VGLL3: variants seen among roughly 807,000 people sequenced by gnomAD.
VGLL3 encodes vestigial like family member 3.
A neutral mutation model predicts 29.2 loss-of-function variants in VGLL3; 18 were observed. The observed-to-expected ratio is 0.62, with a 90% CI of 0.43 to 0.91. VGLL3 has a LOEUF of 0.91. Ranked by LOEUF, VGLL3 falls within the 40% of genes least tolerant of loss-of-function variation. The probability of loss-of-function intolerance (pLI) is 0.00; values close to 1 mark genes in which losing one functional copy is unlikely to be tolerated. For missense variants in VGLL3, 440 were observed against 413.2 expected, an observed-to-expected ratio of 1.06 and a Z score of -0.56; for synonymous variants, 180 against 151.8, an observed-to-expected ratio of 1.19 and a Z score of -1.36.
At chr3:86,963,721 A>T (rs1233284496) in intron 3 of VGLL3, among the ~76,000 whole-genome samples, 1 of 152,236 alleles carries the variant, frequency 6.6e-6, no homozygotes, top group African/African-American at 2.4e-5. Flanking sequence ...AACTAATTTA[A>T]TCTCAAAACA....
Position 86,981,015 on chromosome 3 carries a change from C to G in VGLL3, c.127-2213G>C, listed in dbSNP as rs72916094. ...TATTTGTTTAATTGTAACATTCATTCTTTAAATAGAAGAGCCTGGCTACAT... is the reference window on the plus strand; with the variant it reads ...TATTTGTTTAATTGTAACATTCATTGTTTAAATAGAAGAGCCTGGCTACAT... On this transcript the variant is annotated intron_variant, in intron 1 of 3. Coordinates refer to ENST00000398399, the MANE Select transcript of VGLL3 (RefSeq NM_016206.4). Among the ~76,000 whole-genome samples, 630 of 152,158 alleles carry G rather than the reference C, an allele frequency of 4.1e-3. 4 individuals are homozygous for G. The highest frequency in any genetic ancestry group is 0.014 in the African/African-American group (601 of 41,548).
In VGLL3 at chr3:86,941,487, C is replaced by A; in HGVS notation, c.*5537G>T. Reference sequence around the variant, plus strand: ...AAAAAACAAATTGATGATTACTTATCCTTTTCTAAAAGGTGTCTGTTTGCT... The same window carrying A: ...AAAAAACAAATTGATGATTACTTATACTTTTCTAAAAGGTGTCTGTTTGCT... On this transcript the variant is annotated 3_prime_UTR_variant, in exon 4 of 4. Coordinates refer to ENST00000398399, the MANE Select transcript of VGLL3 (RefSeq NM_016206.4). The A allele has an allele frequency of 6.6e-6, 1 of 150,966 alleles. No individual in the cohort carries two copies. The highest frequency in any genetic ancestry group is 2.4e-5 in the African/African-American group (1 of 41,044). The allele number at this position is 150,966 out of a possible 1,614,324, so 9.4% of individuals were successfully genotyped here. A position where few individuals can be genotyped will look rare whatever the true frequency, so the allele number is the denominator to read the frequency against.
rs1704398333 is a variant in VGLL3, at chr3:86,941,574, G to A, written c.*5450C>T. The A allele has an allele frequency of 6.6e-6, 1 of 151,784 alleles. No homozygotes were observed. Among genetic ancestry groups the A allele is most frequent in the Non-Finnish European group, 1.5e-5 (1 of 67,930 alleles). 9.4% of individuals were successfully genotyped at this position (151,784 alleles called of 1,614,324 possible). A position where few individuals can be genotyped will look rare whatever the true frequency, so the allele number is the denominator to read the frequency against. ...ATAGAATTTCTTGGAACTTAAAAAG[G>A]AGATTCAGAAAAACTTATTGGATCA... On this transcript the variant is annotated 3_prime_UTR_variant, in exon 4 of 4. Transcript: ENST00000398399.
chr3:86,954,329 G>T (rs992744487), intron 3 of VGLL3, among the ~76,000 whole-genome samples: 2 of 152,200 alleles, frequency 1.3e-5, no homozygotes, highest in African/African-American at 4.8e-5. Flanking sequence ...CAGCCACCCA[G>T]GTGTTTCTAC....
Position 86,968,828 on chromosome 3 carries a change from A to G in VGLL3, c.699T>C (p.His233=). ...GGCGGTGGCGGTGGTGCATGTGGGC[A>G]TGAGGGTGGTGGTGCCGCATGTACA... ...HDVYMRHHHP[H]AHMHHRHRHH... Residue 233 remains histidine (H), a synonymous_variant, in exon 3 of 4, where the codon CAT becomes CAC. Transcript: ENST00000398399. The G allele has an allele frequency of 6.2e-7, 1 of 1,614,100 alleles. No homozygotes were observed. Among genetic ancestry groups the G allele is most frequent in the Non-Finnish European group, 8.5e-7 (1 of 1,180,008 alleles).
chr3:86,987,583 T>C (rs1247287882), intron 1 of VGLL3, among the ~76,000 whole-genome samples: 1 of 152,184 alleles, frequency 6.6e-6, no homozygotes, highest in East Asian at 1.9e-4. Flanking sequence ...TGTTAGAGAC[T>C]GACATATTAA....
chr3:86,946,866 T>C lies in VGLL3; in HGVS notation c.*158A>G. The C allele has an allele frequency of 3.4e-6, 2 of 589,382 alleles. No individual in the cohort carries two copies. The highest frequency in any genetic ancestry group is 6.1e-6 in the Non-Finnish European group (2 of 325,414). The allele number at this position is 589,382 out of a possible 1,614,324, so 36.5% of individuals were successfully genotyped here. ...CTTCAATGTCTGGGACCCACTTTGCTTTCTCAAGAAAGGCCGAAAACCAGT... is the reference window on the plus strand; with the variant it reads ...CTTCAATGTCTGGGACCCACTTTGCCTTCTCAAGAAAGGCCGAAAACCAGT... On this transcript the variant is annotated 3_prime_UTR_variant, in exon 4 of 4. Coordinates refer to ENST00000398399, the MANE Select transcript of VGLL3 (RefSeq NM_016206.4).
Position 86,942,572 on chromosome 3 carries a change from A to G in VGLL3, c.*4452T>C, listed in dbSNP as rs1162877247. 6.6e-6 allele frequency: 1 copy of G among 152,200 alleles called. No homozygotes were observed. The highest frequency in any genetic ancestry group is 1.9e-4 in the East Asian group (1 of 5,190). The allele number at this position is 152,200 out of a possible 1,614,324, so 9.4% of individuals were successfully genotyped here. Reference sequence around the variant, plus strand: ...AATGTTCTTATCCTAGGTGCCAAGGAAGTTTGATATATAACTAAAAATATA... The same window carrying G: ...AATGTTCTTATCCTAGGTGCCAAGGGAGTTTGATATATAACTAAAAATATA... On this transcript the variant is annotated 3_prime_UTR_variant, in exon 4 of 4. Coordinates refer to ENST00000398399, the MANE Select transcript of VGLL3 (RefSeq NM_016206.4).
chr3:86,966,825 A>G lies in VGLL3; in HGVS notation c.937+1765T>C, dbSNP rs1338679908. On this transcript the variant is annotated intron_variant, in intron 3 of 3. Coordinates refer to ENST00000398399, the MANE Select transcript of VGLL3 (RefSeq NM_016206.4). ...TATATATATATATATATATATATAT[A>G]GTACCCCAGGTAATGCCTTATATTG... 5.6e-5 allele frequency among the ~76,000 whole-genome samples: 6 copies of G among 106,948 alleles called. No individual in the cohort carries two copies. In the East Asian group the frequency reaches 1.4e-3, roughly 26 times the overall value. The allele number at this position is 106,948 out of a possible 152,430, so 70.2% of individuals were successfully genotyped here.
chr3:86,975,145 C>A (rs1298737401), intron 2 of VGLL3, among the ~76,000 whole-genome samples: 1 of 152,116 alleles, frequency 6.6e-6, no homozygotes, highest in East Asian at 1.9e-4. Context: ...CACATTGCAA[C>A]CAGAAGGTAA....
intron 3 of VGLL3, among the ~76,000 whole-genome samples, chr3:86,966,236 T>A (rs760086095): frequency 2.6e-5 from 4 of 152,076 alleles, no homozygotes; most frequent in Non-Finnish European, 4.4e-5. Context: ...CTAAGCTGTA[T>A]AACAAGGAAG....
At chr3:86,949,698 CG>C (rs1383412098) in intron 3 of VGLL3, among the ~76,000 whole-genome samples, 4 of 151,430 alleles carry the variant, frequency 2.6e-5, no homozygotes, top group South Asian at 2.1e-4. Flanking sequence ...TGATGGCGGG[CG>C]CCCTGTAGTC....
chr3:86,962,348 G>A (rs2106997405), intron 3 of VGLL3: 1 of 985,232 alleles, frequency 1.0e-6, no homozygotes, highest in East Asian at 1.1e-4. Flanking sequence ...GCAAAATATG[G>A]GGTGGCATAC....
intron 3 of VGLL3, among the ~76,000 whole-genome samples, chr3:86,966,775 A>ATG (rs1704971188): frequency 1.1e-4 from 1 of 9,430 alleles, no homozygotes; most frequent in Non-Finnish European, 2.0e-4. Flanking sequence ...GTGTGTGTGT[A>ATG]TATATATATA....
intron 3 of VGLL3, among the ~76,000 whole-genome samples, chr3:86,948,217 C>A (rs970504972): frequency 6.6e-6 from 1 of 152,130 alleles, no homozygotes; most frequent in African/African-American, 2.4e-5. Flanking sequence ...ACTCTTTAAA[C>A]ATGTGTGTAG....
At position 86,991,112 on chromosome 3, in the gene VGLL3, G is replaced by A. The variant is rs1177200907; in HGVS notation, c.-369C>T. On this transcript the variant is annotated 5_prime_UTR_variant, in exon 1 of 4. The change creates a premature stop within an existing upstream ORF in the 5' untranslated region. Coordinates refer to ENST00000398399, the MANE Select transcript of VGLL3 (RefSeq NM_016206.4). ...CACAGCCACAGCCCAGGCCCGGGTC[G>A]GGCAGCCGTGGGGAGCCCAGCTCCG... 1 of 203,692 alleles carries A rather than the reference G, an allele frequency of 4.9e-6. No homozygotes were observed. Among genetic ancestry groups the A allele is most frequent in the African/African-American group, 2.3e-5 (1 of 42,554 alleles). The allele number at this position is 203,692 out of a possible 1,614,324, so 12.6% of individuals were successfully genotyped here.
chr3:86,956,778 C>G (rs1210633134), intron 3 of VGLL3, among the ~76,000 whole-genome samples: 1 of 137,302 alleles, frequency 7.3e-6, no homozygotes, highest in Non-Finnish European at 1.6e-5. Flanking sequence ...GAGCGAGACT[C>G]CGTCCCACCG....
In VGLL3 at chr3:86,968,933, G is replaced by A. The variant is rs868763637; in HGVS notation, c.594C>T (p.Ala198=). The A allele has an allele frequency of 1.2e-6, 2 of 1,614,150 alleles. No homozygotes were observed. The highest frequency in any genetic ancestry group is 1.7e-6 in the Non-Finnish European group (2 of 1,180,028). ...AGGACTCAGACACAGCAGGGGGAGGGGCTGGGCCAGTCTGATGCAGGTTGT... is the reference window on the plus strand; with the variant it reads ...AGGACTCAGACACAGCAGGGGGAGGAGCTGGGCCAGTCTGATGCAGGTTGT... The part of the protein sequence containing the change: ...PGHNLHQTGP[A]PPPAVSESWP... Residue 198 remains alanine, a synonymous_variant, in exon 3 of 4, where the codon GCC becomes GCT. Coordinates refer to ENST00000398399, the MANE Select transcript of VGLL3 (RefSeq NM_016206.4).
chr3:86,977,530 A>G (rs1705234756), intron 2 of VGLL3, among the ~76,000 whole-genome samples: 2 of 152,190 alleles, frequency 1.3e-5, no homozygotes, highest in African/African-American at 4.8e-5. Context: ...GATTCGAGAT[A>G]AGGGGGTCCT....
Sources: gnomAD v4.1 joint callset for allele counts (sites outside exome capture counted in the v4.1 genomes callset) on GRCh38, gnomAD v4.1.1 for gene constraint, MANE v1.5 for transcripts, NCBI Gene and HGNC (gene_info 2026-07-23, HGNC 2026-07-21) for gene names.